Variants in RORA observed in about 807,000 individuals in gnomAD.
The protein encoded by RORA is RAR related orphan receptor A.
Under a neutral mutation model 69.5 loss-of-function variants are expected in RORA, and 7 were observed. The observed-to-expected ratio is 0.10, with a 90% CI of 0.06 to 0.19. The LOEUF is 0.19. Among genes scored for constraint, RORA ranks in the 10% least tolerant of loss-of-function variants. RORA has a pLI of 1.00. For missense variants in RORA, 457 were observed against 663.0 expected, an observed-to-expected ratio of 0.69 and a Z score of 3.41; for synonymous variants, 261 against 240.8, an observed-to-expected ratio of 1.08 and a Z score of -0.78.
intron 1 of RORA, among the ~76,000 whole-genome samples, chr15:61,139,172 T>A (rs1392981618): frequency 6.6e-6 from 1 of 152,024 alleles, no homozygotes; most frequent in Admixed American, 6.5e-5. Context: ...AAAACGTTTC[T>A]TTTTAAACTG....
chr15:60,781,522 C>G (rs2072255376), intron 1 of RORA, among the ~76,000 whole-genome samples: 2 of 152,128 alleles, frequency 1.3e-5, no homozygotes, highest in African/African-American at 4.8e-5. Context: ...TGATCTGTAA[C>G]TCCAAGTCAT....
At chr15:60,710,238 C>T (rs1243095396) in intron 1 of RORA, among the ~76,000 whole-genome samples, 1 of 152,138 alleles carries the variant, frequency 6.6e-6, no homozygotes, top group Non-Finnish European at 1.5e-5. Flanking sequence ...CTTGTAATTC[C>T]AGCACTTTGG....
chr15:61,128,204 CGTGTGT>C lies in RORA; in HGVS notation c.166+100843_166+100848del, dbSNP rs71125904. Among the ~76,000 whole-genome samples the C allele has an allele frequency of 6.4e-3, 958 of 150,120 alleles. 13 individuals carry two copies. Among genetic ancestry groups the C allele is most frequent in the African/African-American group, 0.022 (902 of 40,950 alleles). On this transcript the variant is annotated intron_variant, in intron 1 of 10. Coordinates refer to ENST00000335670, the MANE Select transcript of RORA (RefSeq NM_134261.3). This position sits in a 1 kb window ranked among gnomAD's most constrained non-coding sequence, Gnocchi z 4.5. Reference sequence around the variant, plus strand: ...TAATTGCTGTGTGTGTGTATGCACACGTGTGTGTGTGTGTGTGTGTCTGTGTGTGAG... The same window carrying C: ...TAATTGCTGTGTGTGTGTATGCACACGTGTGTGTGTGTGTCTGTGTGTGAG...
chr15:60,965,395 G>A (rs960848100), intron 1 of RORA, among the ~76,000 whole-genome samples: 1 of 152,100 alleles, frequency 6.6e-6, no homozygotes. Flanking sequence ...TTGTCCCAAG[G>A]CCCAGTAGTC....
chr15:60,900,886 A>T (rs1200979812), intron 1 of RORA, among the ~76,000 whole-genome samples: 1 of 152,046 alleles, frequency 6.6e-6, no homozygotes, highest in Non-Finnish European at 1.5e-5. Flanking sequence ...AAAATAAAAA[A>T]TAAAAAAAAA....
intron 1 of RORA, among the ~76,000 whole-genome samples, chr15:61,005,894 G>A: frequency 6.6e-6 from 1 of 152,134 alleles, no homozygotes; most frequent in South Asian, 2.1e-4. Flanking sequence ...CAGATACTCT[G>A]AAATGTTCAT....
intron 1 of RORA, among the ~76,000 whole-genome samples, chr15:60,791,794 G>A (rs904733943): frequency 6.6e-6 from 1 of 152,216 alleles, no homozygotes. Context: ...TGGAATTTGA[G>A]TCCAGGCAAG....
chr15:60,878,797 T>C (rs1011182458), intron 1 of RORA, among the ~76,000 whole-genome samples: 1 of 152,278 alleles, frequency 6.6e-6, no homozygotes, highest in African/African-American at 2.4e-5. Flanking sequence ...GGTAATGTCT[T>C]GCAGGGCGTT....
intron 1 of RORA, among the ~76,000 whole-genome samples, chr15:60,949,919 A>C (rs1454114717): frequency 6.6e-6 from 1 of 152,236 alleles, no homozygotes; most frequent in Non-Finnish European, 1.5e-5. Context: ...GGTAGGCTAG[A>C]AACTGAATCT....
intron 1 of RORA, among the ~76,000 whole-genome samples, chr15:60,774,137 C>A (rs2072123690): frequency 6.6e-6 from 1 of 152,164 alleles, no homozygotes; most frequent in African/African-American, 2.4e-5. Flanking sequence ...CTGGCGGACA[C>A]CCACAGCCAC....
At position 61,045,929 on chromosome 15, in the gene RORA, A is replaced by C. The variant is rs1896996712; in HGVS notation, c.166+183124T>G. Among the ~76,000 whole-genome samples, 5 of 152,346 alleles carry C rather than the reference A, an allele frequency of 3.3e-5. No homozygotes were observed. The South Asian group carries it at 1.0e-3, about 32-fold the overall frequency. On this transcript the variant is annotated intron_variant, in intron 1 of 10. Coordinates refer to ENST00000335670, the MANE Select transcript of RORA (RefSeq NM_134261.3). Reference sequence around the variant, plus strand: ...TGGCATGCAGAGAACAACAGGCACAACTATTGTCTCTGTCTCCTGGCAGTC... The same window carrying C: ...TGGCATGCAGAGAACAACAGGCACACCTATTGTCTCTGTCTCCTGGCAGTC...
intron 1 of RORA, among the ~76,000 whole-genome samples, chr15:61,157,196 A>G (rs2079451651): frequency 6.6e-6 from 1 of 152,204 alleles, no homozygotes; most frequent in African/African-American, 2.4e-5. Context: ...AGAATAGATT[A>G]TATCCTCTGA....
chr15:60,818,414 A>C (rs568101398), intron 1 of RORA, among the ~76,000 whole-genome samples: 1 of 152,320 alleles, frequency 6.6e-6, no homozygotes, highest in African/African-American at 2.4e-5. Context: ...ATTAGACAGG[A>C]ATTCAAGCTA....
chr15:60,786,892 T>C (rs542201390), intron 1 of RORA, among the ~76,000 whole-genome samples: 1 of 152,290 alleles, frequency 6.6e-6, no homozygotes, highest in South Asian at 2.1e-4. Context: ...TTTAGCAACC[T>C]TCCCAGCGGA....
At chr15:60,628,113 A>G (rs1274974250) in intron 2 of RORA, among the ~76,000 whole-genome samples, 3 of 152,172 alleles carry the variant, frequency 2.0e-5, no homozygotes, top group African/African-American at 7.2e-5. Context: ...AGGAATCAAC[A>G]TTGGTATGTT....
chr15:61,205,015 C>A (rs899547964), intron 1 of RORA, among the ~76,000 whole-genome samples: 11 of 152,196 alleles, frequency 7.2e-5, no homozygotes, highest in African/African-American at 2.7e-4. Context: ...TCGTGTTTGG[C>A]CTACGCTGGG....
chr15:61,013,876 C>A (rs565637551), intron 1 of RORA, among the ~76,000 whole-genome samples: 1 of 149,302 alleles, frequency 6.7e-6, no homozygotes, highest in African/African-American at 2.5e-5. Flanking sequence ...CTCTGCCTCC[C>A]GGGTTCACGC....
intron 1 of RORA, among the ~76,000 whole-genome samples, chr15:60,919,659 C>A (rs1891984734): frequency 6.6e-6 from 1 of 152,204 alleles, no homozygotes; most frequent in South Asian, 2.1e-4. Flanking sequence ...TCCTGACCTG[C>A]AATGCCCCCC....
At chr15:60,592,583 T>A in intron 2 of RORA, 2 of 1,211,804 alleles carry the variant, frequency 1.7e-6, no homozygotes, top group African/African-American at 1.6e-5. Context: ...CCGGCTGACA[T>A]CACGGCCGCC....
Sources: gnomAD v4.1 joint callset for allele counts (sites outside exome capture counted in the v4.1 genomes callset) on GRCh38, gnomAD v4.1.1 for gene constraint, Gnocchi (gnomAD v3.1) non-coding constraint, MANE v1.5 for transcripts, NCBI Gene and HGNC (gene_info 2026-07-23, HGNC 2026-07-21) for gene names.